Variants in EFCAB6 observed in about 807,000 individuals in gnomAD.
The protein encoded by EFCAB6 is EF-hand calcium-binding domain-containing protein 6.
A neutral mutation model predicts 169.8 loss-of-function variants in EFCAB6; 156 were observed. The ratio of observed to expected loss-of-function variants is 0.92; its 90% CI spans 0.81 to 1.05. The LOEUF is 1.05. Ranked by LOEUF, EFCAB6 falls within the 50% of genes least tolerant of loss-of-function variation. EFCAB6 has a pLI of 0.00. For missense variants in EFCAB6, 1,800 were observed against 1,829.1 expected, an observed-to-expected ratio of 0.98 and a Z score of 0.29; for synonymous variants, 698 against 676.4, an observed-to-expected ratio of 1.03 and a Z score of -0.50.
At chr22:43,642,723 C>T (rs533470069) in intron 17 of EFCAB6, among the ~76,000 whole-genome samples, 1 of 152,306 alleles carries the variant, frequency 6.6e-6, no homozygotes, top group East Asian at 1.9e-4. Flanking sequence ...GTCTGACTGT[C>T]CATGTGGCCC....
intron 23 of EFCAB6, among the ~76,000 whole-genome samples, chr22:43,592,182 A>G (rs1002165638): frequency 3.3e-5 from 5 of 152,228 alleles, no homozygotes; most frequent in African/African-American, 1.2e-4. Context: ...GTGGTGAAGG[A>G]GAGCGGTATT....
intron 4 of EFCAB6, among the ~76,000 whole-genome samples, chr22:43,772,222 T>C (rs1166894838): frequency 2.0e-5 from 3 of 152,318 alleles, no homozygotes; most frequent in Non-Finnish European, 2.9e-5. Flanking sequence ...TGCACCGCAG[T>C]GTCTAGCATT....
At chr22:43,782,883 T>C (rs991919892) in intron 2 of EFCAB6, among the ~76,000 whole-genome samples, 4 of 152,192 alleles carry the variant, frequency 2.6e-5, no homozygotes, top group African/African-American at 7.2e-5. Context: ...AATCTCAATA[T>C]GAAGAACATG....
rs542332025 is a variant in EFCAB6, at chr22:43,800,687, C to A, written c.-8+8308G>T. On this transcript the variant is annotated intron_variant, in intron 2 of 31. Transcript: ENST00000262726. Reference sequence around the variant, plus strand: ...GGAACTGAGAAATACATTTGCTGAACTGAAAAATTCATTAACGGCTACCAA... The same window carrying A: ...GGAACTGAGAAATACATTTGCTGAAATGAAAAATTCATTAACGGCTACCAA... Among the ~76,000 whole-genome samples, 36 of 151,942 alleles carry A rather than the reference C, an allele frequency of 2.4e-4. 1 individual carries two copies. In the South Asian group the frequency reaches 7.5e-3, roughly 32 times the overall value.
intron 8 of EFCAB6, among the ~76,000 whole-genome samples, chr22:43,722,461 G>A (rs1014511282): frequency 2.6e-5 from 4 of 151,684 alleles, no homozygotes; most frequent in Non-Finnish European, 5.9e-5. Flanking sequence ...AACCCAAGAG[G>A]CAGAGGTTGC....
At chr22:43,805,194 A>G (rs895825740) in intron 2 of EFCAB6, among the ~76,000 whole-genome samples, 28 of 152,236 alleles carry the variant, frequency 1.8e-4, no homozygotes, top group African/African-American at 6.3e-4. Context: ...GAAAACTATA[A>G]AACACCAATG....
intron 12 of EFCAB6, among the ~76,000 whole-genome samples, chr22:43,679,354 C>T (rs910920011): frequency 6.6e-6 from 1 of 152,194 alleles, no homozygotes; most frequent in Non-Finnish European, 1.5e-5. Context: ...CCCAATCGGG[C>T]ATTACATTGC....
At chr22:43,647,034 G>C (rs1386475095) in intron 17 of EFCAB6, among the ~76,000 whole-genome samples, 1 of 152,190 alleles carries the variant, frequency 6.6e-6, no homozygotes, top group East Asian at 1.9e-4. Context: ...TCTGCTGAGA[G>C]GTGTTGTTAG....
chr22:43,771,181 G>A (rs912250090), intron 4 of EFCAB6, among the ~76,000 whole-genome samples: 9 of 152,014 alleles, frequency 5.9e-5, no homozygotes, highest in Non-Finnish European at 1.2e-4. Context: ...CTGTAATCCC[G>A]GCACTTTGGG....
chr22:43,657,524 T>C (rs1337721437), intron 17 of EFCAB6, among the ~76,000 whole-genome samples: 2 of 152,030 alleles, frequency 1.3e-5, no homozygotes, highest in Non-Finnish European at 2.9e-5. Flanking sequence ...AGGAGAATTA[T>C]AAAACATTTT....
At chr22:43,636,609 CTT>C (rs907909699) in intron 17 of EFCAB6, among the ~76,000 whole-genome samples, 13 of 126,260 alleles carry the variant, frequency 1.0e-4, no homozygotes, top group East Asian at 6.7e-4. Context: ...CAGTTCTTTT[CTT>C]TTTTTTTTTT....
At chr22:43,545,512 C>T (rs369611702) in intron 27 of EFCAB6, among the ~76,000 whole-genome samples, 35 of 152,332 alleles carry the variant, frequency 2.3e-4, no homozygotes, top group African/African-American at 8.2e-4. Flanking sequence ...ACCCCAAAGA[C>T]GGGTGAACAA....
intron 8 of EFCAB6, among the ~76,000 whole-genome samples, chr22:43,729,445 C>A (rs2059855911): frequency 6.6e-6 from 1 of 152,090 alleles, no homozygotes; most frequent in South Asian, 2.1e-4. Flanking sequence ...ATATCCAAAC[C>A]ATATCACCCT....
chr22:43,623,211 A>G (rs105515), intron 20 of EFCAB6, among the ~76,000 whole-genome samples: 114,027 of 152,128 alleles, frequency 0.75, 42,870 homozygotes, highest in Admixed American at 0.81. Flanking sequence ...CTGATCATGC[A>G]GTATTTGGTG....
At chr22:43,717,361 A>T (rs983628823) in intron 8 of EFCAB6, among the ~76,000 whole-genome samples, 1 of 150,742 alleles carries the variant, frequency 6.6e-6, no homozygotes, top group Non-Finnish European at 1.5e-5. Flanking sequence ...TAAATACTTG[A>T]TTTTTGTTTG....
chr22:43,629,897 G>A (rs1487210144), intron 19 of EFCAB6, among the ~76,000 whole-genome samples: 1 of 152,168 alleles, frequency 6.6e-6, no homozygotes, highest in South Asian at 2.1e-4. Flanking sequence ...ACAATCCTGC[G>A]AGGGCCAGGA....
chr22:43,805,560 A>G (rs1471196730), intron 2 of EFCAB6, among the ~76,000 whole-genome samples: 1 of 152,168 alleles, frequency 6.6e-6, no homozygotes, highest in Admixed American at 6.5e-5. Context: ...GGTAGAGGGG[A>G]GGAGAGGATG....
chr22:43,571,684 A>G (rs1443402183), intron 26 of EFCAB6, among the ~76,000 whole-genome samples: 1 of 152,150 alleles, frequency 6.6e-6, no homozygotes, highest in Non-Finnish European at 1.5e-5. Context: ...CTCTGCAGCC[A>G]ATGTTGCAGG....
chr22:43,678,245 TTAATA>T (rs1375552111), intron 12 of EFCAB6, 82 bp from the exon 13 acceptor site: 12 of 1,413,078 alleles, frequency 8.5e-6, no homozygotes, highest in Non-Finnish European at 9.6e-6. Context: ...TTAGCATCAT[TTAATA>T]AAGAGCGAGC....
Sources: allele counts gnomAD v4.1 joint callset (sites outside exome capture counted in the v4.1 genomes callset), GRCh38; gene constraint gnomAD v4.1.1; transcripts MANE v1.5; gene names NCBI Gene and HGNC (gene_info 2026-07-23, HGNC 2026-07-21).